Variants in MARCHF2 observed in about 807,000 individuals in gnomAD.
The protein encoded by MARCHF2 is E3 ubiquitin-protein ligase MARCHF2.
A neutral mutation model predicts 24.0 loss-of-function variants in MARCHF2; 22 were observed. The observed-to-expected ratio is 0.92, with a 90% CI of 0.66 to 1.31. The LOEUF is 1.31. MARCHF2 is among the 50% of genes most tolerant of loss of function. The probability of loss-of-function intolerance (pLI) is 0.00; values close to 1 mark genes in which losing one functional copy is unlikely to be tolerated. For missense variants in MARCHF2, 301 were observed against 335.3 expected (o/e 0.90, Z 0.80); for synonymous variants, 154 against 153.0 (o/e 1.01, Z -0.05).
At chr19:8,428,693 G>A (rs2145560151) in intron 3 of MARCHF2, among the ~76,000 whole-genome samples, 1 of 134,698 alleles carries the variant, frequency 7.4e-6, no homozygotes, top group South Asian at 2.4e-4. Flanking sequence ...ACCAAGGCTG[G>A]ACGTGGTGGC....
rs1967428863 is a variant in MARCHF2, at chr19:8,427,163, T to TCAGC, written c.372+361_372+364dup. ...CCCAGGTTCAAGCGATTCTTCTGCT[T>TCAGC]CAGCCTCCCAAGTAGCTGGGATGAC... On this transcript the variant is annotated intron_variant, in intron 3 of 4. Transcript: ENST00000215555. Among the ~76,000 whole-genome samples the TCAGC allele has an allele frequency of 2.0e-5, 3 of 152,252 alleles. No homozygotes were observed. In the South Asian group the frequency reaches 6.2e-4, roughly 32 times the overall value.
intron 1 of MARCHF2, chr19:8,418,541 T>C (rs1452605259): frequency 6.5e-6 from 1 of 153,150 alleles, no homozygotes; most frequent in Non-Finnish European, 1.5e-5. Flanking sequence ...TTTTAGAGAC[T>C]GGAGACTGGG....
intron 4 of MARCHF2, among the ~76,000 whole-genome samples, chr19:8,433,695 A>G (rs935559457): frequency 2.7e-5 from 4 of 147,896 alleles, no homozygotes; most frequent in Non-Finnish European, 6.0e-5. Context: ...AAAAAAAAAG[A>G]AAAGAAAAGA....
chr19:8,413,840 A>T (rs1307526064), intron 1 of MARCHF2: 1 of 152,258 alleles, frequency 6.6e-6, no homozygotes, highest in African/African-American at 2.4e-5. Context: ...AAAGATGCTG[A>T]AACAGGATGC....
intron 4 of MARCHF2, among the ~76,000 whole-genome samples, chr19:8,431,937 C>T (rs971078419): frequency 6.9e-6 from 1 of 144,966 alleles, no homozygotes; most frequent in Non-Finnish European, 1.5e-5. Context: ...CAGGCGGATT[C>T]CTTGAGGTCA....
chr19:8,421,886 T>A lies in MARCHF2; in HGVS notation c.46T>A (p.Cys16Ser). Residue 16 changes from cysteine to serine, a missense_variant, in exon 2 of 5, where the codon TGC (cysteine) becomes AGC (serine). Cys to Ser is a moderately radical substitution (Grantham distance 112). Coordinates refer to ENST00000215555, the MANE Select transcript of MARCHF2 (RefSeq NM_001005415.2). Reference protein sequence around the residue: ...CCHLPGSLCDCSGSPAFSKVV... With the variant: ...CCHLPGSLCDSSGSPAFSKVV... Reference sequence around the variant, plus strand: ...CCACCTCCCCGGCTCCCTGTGTGACTGCTCCGGCAGCCCTGCCTTCTCCAA... The same window carrying A: ...CCACCTCCCCGGCTCCCTGTGTGACAGCTCCGGCAGCCCTGCCTTCTCCAA... 1 of 1,613,634 alleles carries A rather than the reference T, an allele frequency of 6.2e-7. No homozygotes were observed. Among genetic ancestry groups the A allele is most frequent in the Non-Finnish European group, 8.5e-7 (1 of 1,179,812 alleles).
chr19:8,434,868 G>C (rs1967672083), intron 4 of MARCHF2, among the ~76,000 whole-genome samples: 1 of 150,920 alleles, frequency 6.6e-6, no homozygotes, highest in South Asian at 2.1e-4. Context: ...ACCATGTCTG[G>C]CTAATTTTTG....
chr19:8,418,285 T>G (rs1967137981), intron 1 of MARCHF2: 1 of 152,230 alleles, frequency 6.6e-6, no homozygotes. Context: ...AGGCCTGCAG[T>G]CTTCCTCTTG....
chr19:8,425,071 T>C (rs1175107656), intron 2 of MARCHF2, among the ~76,000 whole-genome samples: 1 of 151,898 alleles, frequency 6.6e-6, no homozygotes, highest in Non-Finnish European at 1.5e-5. Context: ...CACGCCAAGA[T>C]AAGTCTTTAA....
At chr19:8,428,441 CTA>C (rs1967472567) in intron 3 of MARCHF2, among the ~76,000 whole-genome samples, 1 of 147,104 alleles carries the variant, frequency 6.8e-6, no homozygotes, top group Non-Finnish European at 1.5e-5. Flanking sequence ...TGAGCTGAGA[CTA>C]AGCCACTGCA....
At chr19:8,423,178 GC>G (rs1476024902) in intron 2 of MARCHF2, among the ~76,000 whole-genome samples, 1 of 150,924 alleles carries the variant, frequency 6.6e-6, no homozygotes, top group Non-Finnish European at 1.5e-5. Flanking sequence ...TCCTGCCTCA[GC>G]CTCCCAAGTA....
chr19:8,430,817 C>G lies in MARCHF2; in HGVS notation c.532C>G (p.Leu178Val). 1.2e-6 allele frequency: 2 copies of G among 1,610,734 alleles called. No homozygotes were observed. Among genetic ancestry groups the G allele is most frequent in the Non-Finnish European group, 1.7e-6 (2 of 1,179,958 alleles). The change falls in exon 4 of 5, where the codon CTC becomes GTC. Residue 178 changes from leucine to valine, a missense_variant. Leu to Val is a conservative substitution (Grantham distance 32). Transcript: ENST00000215555. This position sits in a 1 kb window ranked among gnomAD's most constrained non-coding sequence, Gnocchi z 4.4. ...CCACAGCCAGCTGGAGGCCGTGGGTCTCATTGCCCTCACCATCGCCCTCTT... is the reference window on the plus strand; with the variant it reads ...CCACAGCCAGCTGGAGGCCGTGGGTGTCATTGCCCTCACCATCGCCCTCTT... ...RLHSQLEAVG[L>V]IALTIALFTI...
intron 1 of MARCHF2, among the ~76,000 whole-genome samples, chr19:8,417,747 T>C (rs1435515183): frequency 2.2e-5 from 2 of 89,414 alleles, no homozygotes; most frequent in South Asian, 4.3e-4. Flanking sequence ...CAATACCCTG[T>C]CTTTTTTTTT....
At position 8,424,122 on chromosome 19, in the gene MARCHF2, A is replaced by G. The variant is rs555968289; in HGVS notation, c.176+2106A>G. On this transcript the variant is annotated intron_variant, in intron 2 of 4. Coordinates refer to ENST00000215555, the MANE Select transcript of MARCHF2 (RefSeq NM_001005415.2). ...AGAAATGTTTGGGAAACAGTGACTC[A>G]TGGCTGTTTGGCCTCTGGGCCACGC... 2.0e-5 allele frequency among the ~76,000 whole-genome samples: 3 copies of G among 152,226 alleles called. No homozygotes were observed. The East Asian group carries it at 5.8e-4, about 29-fold the overall frequency.
At position 8,430,867 on chromosome 19, in the gene MARCHF2, G is replaced by A; in HGVS notation, c.582G>A (p.Leu194=). The A allele has an allele frequency of 1.9e-6, 3 of 1,592,006 alleles. No homozygotes were observed. The South Asian group carries it at 3.4e-5, about 18-fold the overall frequency. The change falls in exon 4 of 5, where the codon CTG becomes CTA. Residue 194 remains leucine, a splice_region_variant and synonymous_variant. Transcript: ENST00000215555. This position sits in a 1 kb window ranked among gnomAD's most constrained non-coding sequence, Gnocchi z 4.4. ...TCACCATCTATGTCCTCTGGACGCT[G>A]GTGAGTGGCTGTGGTTGTGCAGCAC... ...ALFTIYVLWT[L]VSFRYHCQLY... is the part of the protein sequence containing the mutation.
intron 4 of MARCHF2, among the ~76,000 whole-genome samples, chr19:8,432,617 C>T (rs10401652): frequency 0.042 from 6,441 of 151,906 alleles, 459 homozygotes; most frequent in African/African-American, 0.15. Flanking sequence ...AGAAAGACCC[C>T]GTGGCTACAA....
At chr19:8,424,110 A>G (rs1428494360) in intron 2 of MARCHF2, among the ~76,000 whole-genome samples, 1 of 151,968 alleles carries the variant, frequency 6.6e-6, no homozygotes, top group African/African-American at 2.4e-5. Flanking sequence ...AATGTTTGGG[A>G]AACAGTGACT....
At chr19:8,419,992 A>T (rs2145539736) in intron 1 of MARCHF2, among the ~76,000 whole-genome samples, 1 of 147,982 alleles carries the variant, frequency 6.8e-6, no homozygotes, top group South Asian at 2.1e-4. Flanking sequence ...CCCCGTCTGT[A>T]CTAAAAATTC....
At chr19:8,417,760 T>G (rs1166390851) in intron 1 of MARCHF2, among the ~76,000 whole-genome samples, 3 of 113,234 alleles carry the variant, frequency 2.6e-5, no homozygotes, top group African/African-American at 1.0e-4. Context: ...TTTTTTTTTT[T>G]TTTTTTTTTT....
Sources: gnomAD v4.1 joint callset for allele counts (sites outside exome capture counted in the v4.1 genomes callset) on GRCh38, gnomAD v4.1.1 for gene constraint, Gnocchi (gnomAD v3.1) non-coding constraint, MANE v1.5 for transcripts, NCBI Gene and HGNC (gene_info 2026-07-23, HGNC 2026-07-21) for gene names.